The following MCAM variants were observed in gnomAD, a reference collection of about 807,000 sequenced individuals.
MCAM encodes melanoma cell adhesion molecule.
A neutral mutation model predicts 79.1 loss-of-function variants in MCAM; 55 were observed. That is an observed-to-expected ratio of 0.70 (90% CI 0.56 to 0.87). The LOEUF (loss-of-function observed/expected upper bound fraction) is 0.87. Among genes scored for constraint, MCAM ranks in the 40% least tolerant of loss-of-function variants. The probability of loss-of-function intolerance (pLI) is 0.00; values close to 1 mark genes in which losing one functional copy is unlikely to be tolerated. For missense variants in MCAM, 745 were observed against 839.8 expected (o/e 0.89, Z 1.40); for synonymous variants, 330 against 339.8 (o/e 0.97, Z 0.32).
At position 119,312,389 on chromosome 11, in the gene MCAM, C is replaced by T. The variant is rs775638687; in HGVS notation, c.901G>A (p.Asp301Asn). The T allele has an allele frequency of 2.5e-6, 4 of 1,614,044 alleles. No homozygotes were observed. The highest frequency in any genetic ancestry group is 2.2e-5 in the East Asian group (1 of 44,866). The change falls in exon 8 of 16, where the codon GAC becomes AAC. Residue 301 changes from aspartate (D) to asparagine (N), a missense_variant. Asp to Asn is a conservative substitution (Grantham distance 23). Transcript: ENST00000264036. The surrounding 1 kb of genome is among the most constrained non-coding windows in gnomAD (Gnocchi z 4.9). ...GGCTCCAGCACCAGGACCCCGTTGT[C>T]GTTGGTTGTCTCTTCCTCTGCCTCC... ...TREAEEETTN[D>N]NGVLVLEPAR... is the part of the protein sequence containing the mutation.
At chr11:119,310,271 A>T in intron 15 of MCAM, 78 bp downstream of exon 15, 1 of 954,552 alleles carries the variant, frequency 1.0e-6, no homozygotes, top group Non-Finnish European at 1.7e-6. Flanking sequence ...GGGATGAAGG[A>T]TAGAGAGAAC....
At position 119,312,252 on chromosome 11, in the gene MCAM, C is replaced by T. The variant is rs373774189; in HGVS notation, c.1024+14G>A. The T allele has an allele frequency of 1.9e-6, 3 of 1,613,582 alleles. No homozygotes were observed. The African/African-American group carries it at 4.0e-5, about 22-fold the overall frequency. ...CCAGCCTGGTCCCCCTGTCCTGGGT[C>T]CCCAGCCCCTCACAGTTCACCAGTA... On this transcript the variant is annotated intron_variant, in intron 8 of 15. Coordinates refer to ENST00000264036, the MANE Select transcript of MCAM (RefSeq NM_006500.3). The surrounding 1 kb of genome is among the most constrained non-coding windows in gnomAD (Gnocchi z 4.9).
At chr11:119,314,454 C>A (rs755617205) in intron 5 of MCAM, 35 bp downstream of exon 5, 6 of 1,585,036 alleles carry the variant, frequency 3.8e-6, no homozygotes, top group Non-Finnish European at 4.3e-6. Context: ...CCACACCTGG[C>A]CCAAGGGTGG....
intron 5 of MCAM, chr11:119,313,597 C>CT: frequency 3.3e-6 from 1 of 300,762 alleles, no homozygotes; most frequent in South Asian, 3.1e-5. Context: ...GATGGGGTTT[C>CT]TCCGTGTTGG....
In MCAM at chr11:119,311,531, G is replaced by A. The variant is rs370712443; in HGVS notation, c.1406C>T (p.Thr469Met). The A allele has an allele frequency of 3.2e-5, 51 of 1,614,018 alleles. No individual in the cohort carries two copies. Among genetic ancestry groups the A allele is most frequent in the East Asian group, 1.1e-4 (5 of 44,878 alleles). Residue 469 changes from threonine (T) to methionine (M), a missense_variant and splice_region_variant, in exon 11 of 16, where the codon ACG (threonine) becomes ATG (methionine). Physicochemically the swap from Thr to Met is moderately conservative, Grantham distance 81. Coordinates refer to ENST00000264036, the MANE Select transcript of MCAM (RefSeq NM_006500.3). The surrounding 1 kb of genome is among the most constrained non-coding windows in gnomAD (Gnocchi z 4.4). Reference protein sequence around the residue: ...RPTISWNVNGTASEQDQDPQR... With the variant: ...RPTISWNVNGMASEQDQDPQR... ...GTGGCAGATGAGACACCCGCTCACC[G>A]TGCCGTTGACGTTCCAGGAGATGGT...
In MCAM at chr11:119,311,279, C is replaced by T. The variant is rs1183325030; in HGVS notation, c.1549+1G>A. 1 of 1,614,180 alleles carries T rather than the reference C, an allele frequency of 6.2e-7. No homozygotes were observed. The highest frequency in any genetic ancestry group is 1.1e-5 in the South Asian group (1 of 91,084). ...ATCCCCTGCAGGGATGCAGCCCTCA[C>T]CCAGCTCCAGGAAGAGGATGCTGGT... On this transcript the variant is annotated splice_donor_variant, in intron 12 of 15. Transcript: ENST00000264036. LOFTEE classifies it high-confidence loss of function. The surrounding 1 kb of genome is among the most constrained non-coding windows in gnomAD (Gnocchi z 4.4).
At position 119,312,575 on chromosome 11, in the gene MCAM, C is replaced by A. The variant is rs754816315; in HGVS notation, c.813G>T (p.Arg271Ser). 22 of 1,614,202 alleles carry A rather than the reference C, an allele frequency of 1.4e-5. No individual in the cohort carries two copies. Among genetic ancestry groups the A allele is most frequent in the Non-Finnish European group, 1.7e-5 (20 of 1,180,032 alleles). ...MLKEGDRVEI[R>S]CLADGNPPPH... is the part of the protein sequence containing the mutation. ...GTGGAGGGTTGCCATCAGCCAAACACCTGATTTCCACGCGGTCCCCTTCCT... is the reference window on the plus strand; with the variant it reads ...GTGGAGGGTTGCCATCAGCCAAACAACTGATTTCCACGCGGTCCCCTTCCT... The change falls in exon 7 of 16, where the codon AGG becomes AGT. Residue 271 changes from arginine (R) to serine (S), a missense_variant. By Grantham distance (110) the Arg-to-Ser change is moderately radical (BLOSUM62 -1). Transcript: ENST00000264036. This position sits in a 1 kb window ranked among gnomAD's most constrained non-coding sequence, Gnocchi z 4.9.
At chr11:119,310,148 A>G (rs536691015) in intron 15 of MCAM, 1 of 625,102 alleles carries the variant, frequency 1.6e-6, no homozygotes, top group South Asian at 1.9e-5. Flanking sequence ...AGGTGATGGG[A>G]CAGGGTCTTT....
chr11:119,315,499 G>A lies in MCAM; in HGVS notation c.68-236C>T. The A allele has an allele frequency of 1.8e-6, 1 of 549,340 alleles. No homozygotes were observed. The highest frequency in any genetic ancestry group is 2.2e-5 in the South Asian group (1 of 46,440). 34.0% of individuals were successfully genotyped at this position (549,340 alleles called of 1,614,324 possible). On this transcript the variant is annotated intron_variant, in intron 1 of 15. Coordinates refer to ENST00000264036, the MANE Select transcript of MCAM (RefSeq NM_006500.3). The surrounding 1 kb of genome is among the most constrained non-coding windows in gnomAD (Gnocchi z 4.4). ...AGAGATTGAGCAGAGACTGAGCACC[G>A]AACAGCTCCAGCTGAGGCTGGTAGA...
rs760274509 is a variant in MCAM, at chr11:119,311,891, G to A, written c.1202C>T (p.Ala401Val). The A allele has an allele frequency of 6.8e-6, 11 of 1,613,958 alleles. No homozygotes were observed. Among genetic ancestry groups the A allele is most frequent in the Non-Finnish European group, 8.5e-6 (10 of 1,180,026 alleles). The change falls in exon 10 of 16, where the codon GCA becomes GTA. Residue 401 changes from alanine (A) to valine (V), a missense_variant. Physicochemically the swap from Ala to Val is moderately conservative, Grantham distance 64. Transcript: ENST00000264036. The surrounding 1 kb of genome is among the most constrained non-coding windows in gnomAD (Gnocchi z 4.4). The stretch of plus-strand genomic sequence containing the variant: ...CGCCACGCAGCGATAGCCGCCTCCT[G>A]CCTCCCGTTTCAGGTCATGCAACTG... ...VLQLHDLKRE[A>V]GGGYRCVASV...
Position 119,311,528 on chromosome 11 carries a change from AC to A in MCAM, c.1407+1del. On this transcript the variant is annotated splice_donor_variant, in intron 11 of 15. Transcript: ENST00000264036. LOFTEE classifies it high-confidence loss of function. The surrounding 1 kb of genome is among the most constrained non-coding windows in gnomAD (Gnocchi z 4.4). ...AGTGTGGCAGATGAGACACCCGCTC[AC>A]CGTGCCGTTGACGTTCCAGGAGATG... 1 of 1,614,134 alleles carries A rather than the reference AC, an allele frequency of 6.2e-7. No individual in the cohort carries two copies. The highest frequency in any genetic ancestry group is 1.7e-5 in the Admixed American group (1 of 60,022).
intron 14 of MCAM, 84 bp downstream of exon 14, chr11:119,310,672 C>T: frequency 6.8e-7 from 1 of 1,472,290 alleles, no homozygotes; most frequent in Non-Finnish European, 9.3e-7. Flanking sequence ...CCCACTCCTG[C>T]TGTCAAGGGG....
At chr11:119,314,424 GA>G in intron 5 of MCAM, 64 bp downstream of exon 5, 2 of 1,445,134 alleles carry the variant, frequency 1.4e-6, no homozygotes, top group Non-Finnish European at 1.9e-6. Flanking sequence ...CCAAAGCACC[GA>G]GATTACAGGT....
chr11:119,310,501 T>C (rs761695378), intron 14 of MCAM, 35 bp from the exon 15 acceptor site: 6 of 1,396,660 alleles, frequency 4.3e-6, no homozygotes, highest in Non-Finnish European at 2.0e-6. Context: ...GGTTGGTATC[T>C]CAGGGCCACA....
At position 119,317,048 on chromosome 11, in the gene MCAM, ACAG is replaced by A. The variant is rs868274422; in HGVS notation, c.51_53del (p.Cys18del). 29 of 1,534,106 alleles carry A rather than the reference ACAG, an allele frequency of 1.9e-5. No homozygotes were observed. Among genetic ancestry groups the A allele is most frequent in the East Asian group, 1.7e-4 (7 of 40,206 alleles). On this transcript the variant is annotated inframe_deletion, in exon 1 of 16. Coordinates refer to ENST00000264036, the MANE Select transcript of MCAM (RefSeq NM_006500.3). This position sits in a 1 kb window ranked among gnomAD's most constrained non-coding sequence, Gnocchi z 6.2. Reference sequence around the variant, plus strand: ...GAGCGAACTCACCCGCGACGCGAGGACAGCAGCAGCAGGCGGCGAGCAAGAAGG... The same window carrying A: ...GAGCGAACTCACCCGCGACGCGAGGACAGCAGCAGGCGGCGAGCAAGAAGG...
chr11:119,313,974 G>C, intron 5 of MCAM: 1 of 968,340 alleles, frequency 1.0e-6, no homozygotes, highest in Non-Finnish European at 1.2e-6. Context: ...ATAGAAATAG[G>C]CTTGAAAGAA....
In MCAM at chr11:119,316,327, C is replaced by T. The variant is rs932452772; in HGVS notation, c.67+708G>A. Among the ~76,000 whole-genome samples, 4 of 152,224 alleles carry T rather than the reference C, an allele frequency of 2.6e-5. No individual in the cohort carries two copies. Among genetic ancestry groups the T allele is most frequent in the Non-Finnish European group, 4.4e-5 (3 of 68,034 alleles). On this transcript the variant is annotated intron_variant, in intron 1 of 15. Coordinates refer to ENST00000264036, the MANE Select transcript of MCAM (RefSeq NM_006500.3). The surrounding 1 kb of genome is among the most constrained non-coding windows in gnomAD (Gnocchi z 4.8). ...CAAGGGCAGCGTGGACCCGAGAGCG[C>T]CCTGCTACCAGGCGGATCCGGAGAA... is the stretch of plus-strand genomic sequence containing the variant.
At position 119,316,899 on chromosome 11, in the gene MCAM, G is replaced by A. The variant is rs1950316359; in HGVS notation, c.67+136C>T. ...GAGTTGCTCGCGCGCAAGGCGCCCG[G>A]GGATCGGGGACCCAGGGAGGAGGCT... On this transcript the variant is annotated intron_variant, in intron 1 of 15. Coordinates refer to ENST00000264036, the MANE Select transcript of MCAM (RefSeq NM_006500.3). This position sits in a 1 kb window ranked among gnomAD's most constrained non-coding sequence, Gnocchi z 4.8. 5.8e-6 allele frequency: 4 copies of A among 684,122 alleles called. No individual in the cohort carries two copies. The highest frequency in any genetic ancestry group is 6.8e-5 in the Admixed American group (2 of 29,596). 42.4% of individuals were successfully genotyped at this position (684,122 alleles called of 1,614,324 possible).
intron 13 of MCAM, 27 bp from the exon 14 acceptor site, chr11:119,310,930 C>G: frequency 6.2e-7 from 1 of 1,614,138 alleles, no homozygotes; most frequent in Non-Finnish European, 8.5e-7. Flanking sequence ...CTCCTCGTCA[C>G]TCCCTGCCCC....
Sources: gnomAD v4.1 joint callset for allele counts (sites outside exome capture counted in the v4.1 genomes callset) on GRCh38, gnomAD v4.1.1 for gene constraint, Gnocchi (gnomAD v3.1) non-coding constraint, MANE v1.5 for transcripts, NCBI Gene and HGNC (gene_info 2026-07-23, HGNC 2026-07-21) for gene names.